The following BCKDHB variants were observed in gnomAD, a reference collection of about 807,000 sequenced individuals.
BCKDHB encodes the protein branched chain keto acid dehydrogenase E1 subunit beta, also known as 2-oxoisovalerate dehydrogenase subunit beta, mitochondrial.
BCKDHB carries 41 observed loss-of-function variants against 48.5 expected under a neutral mutation model. That is an observed-to-expected ratio of 0.85 (90% CI 0.66 to 1.10). The LOEUF (loss-of-function observed/expected upper bound fraction) is 1.10, where lower values mean the gene tolerates loss of function less well. Among genes scored for constraint, BCKDHB ranks in the 50% least tolerant of loss-of-function variants. BCKDHB has a pLI of 0.00. For missense variants in BCKDHB, 496 were observed against 494.2 expected, an observed-to-expected ratio of 1.00 and a Z score of -0.03; for synonymous variants, 201 against 174.8, an observed-to-expected ratio of 1.15 and a Z score of -1.18.
the BCKDHB span, among the ~76,000 whole-genome samples, chr6:80,420,409 G>A: frequency 2.0e-5 from 3 of 152,290 alleles, no homozygotes; most frequent in Non-Finnish European, 4.4e-5. Flanking sequence ...TTTTAGGATT[G>A]TGTGCTTTCT....
chr6:80,109,266 A>G (rs1040699142), intron 1 of BCKDHB, among the ~76,000 whole-genome samples: 4 of 152,192 alleles, frequency 2.6e-5, no homozygotes, highest in East Asian at 3.8e-4. Flanking sequence ...GCTACATAAA[A>G]CAATGTCTAT....
At chr6:80,354,724 A>G in the BCKDHB span, among the ~76,000 whole-genome samples, 2 of 152,152 alleles carry the variant, frequency 1.3e-5, no homozygotes, top group Non-Finnish European at 2.9e-5. Context: ...TCTTTTGCAT[A>G]TAGTGAATCT....
intron 5 of BCKDHB, among the ~76,000 whole-genome samples, chr6:80,170,832 T>C (rs1301636884): frequency 6.6e-6 from 1 of 152,188 alleles, no homozygotes; most frequent in East Asian, 1.9e-4. Context: ...ATGAAGACCA[T>C]ATTTTTTTTC....
At chr6:80,414,777 C>G in the BCKDHB span, among the ~76,000 whole-genome samples, 10 of 152,142 alleles carry the variant, frequency 6.6e-5, no homozygotes, top group East Asian at 1.9e-3. Context: ...ATAGCTTTTT[C>G]CTAGTTCTGT....
At chr6:80,259,453 A>G (rs933215466) in intron 8 of BCKDHB, among the ~76,000 whole-genome samples, 3 of 152,222 alleles carry the variant, frequency 2.0e-5, no homozygotes, top group Non-Finnish European at 2.9e-5. Context: ...TTTCCTGGTT[A>G]CATTTGAGGC....
chr6:80,405,904 GC>G, the BCKDHB span, among the ~76,000 whole-genome samples: 2 of 152,092 alleles, frequency 1.3e-5, no homozygotes, highest in East Asian at 3.9e-4. Flanking sequence ...GTATACATGT[GC>G]CATGTTGGCT....
chr6:80,125,014 T>C (rs1184817269), intron 1 of BCKDHB, among the ~76,000 whole-genome samples: 1 of 152,214 alleles, frequency 6.6e-6, no homozygotes, highest in Non-Finnish European at 1.5e-5. Context: ...GACTTCTCTT[T>C]AGCTATGAAA....
chr6:80,156,060 T>C (rs1772031160), intron 3 of BCKDHB, among the ~76,000 whole-genome samples: 1 of 152,050 alleles, frequency 6.6e-6, no homozygotes, highest in Non-Finnish European at 1.5e-5. Flanking sequence ...ATTTTATTTG[T>C]CCACCTTCTC....
intron 3 of BCKDHB, among the ~76,000 whole-genome samples, chr6:80,135,688 C>T (rs1368328533): frequency 6.6e-6 from 1 of 151,996 alleles, no homozygotes; most frequent in African/African-American, 2.4e-5. Context: ...ATATATATAA[C>T]ATTTACTGTT....
At chr6:80,462,297 T>G in the BCKDHB span, among the ~76,000 whole-genome samples, 368 of 152,322 alleles carry the variant, frequency 2.4e-3, 2 homozygotes, top group Middle Eastern at 3.4e-3. Context: ...GCTATATCTT[T>G]TCAACATCAT....
chr6:80,313,109 G>A (rs891365483), intron 9 of BCKDHB, among the ~76,000 whole-genome samples: 10 of 152,084 alleles, frequency 6.6e-5, no homozygotes, highest in African/African-American at 1.9e-4. Context: ...TTCAGAACTC[G>A]TTATTAGTCT....
intron 1 of BCKDHB, among the ~76,000 whole-genome samples, chr6:80,125,220 T>C (rs1232938702): frequency 6.6e-6 from 1 of 152,192 alleles, no homozygotes. Context: ...TGAACCAAGC[T>C]CTGCTATCTT....
intron 9 of BCKDHB, among the ~76,000 whole-genome samples, chr6:80,342,966 G>A (rs1170998835): frequency 1.3e-5 from 2 of 152,144 alleles, no homozygotes; most frequent in African/African-American, 2.4e-5. Flanking sequence ...GGATTATGCC[G>A]AGTTCGGTGC....
chr6:80,408,708 C>T, the BCKDHB span, among the ~76,000 whole-genome samples: 4 of 150,504 alleles, frequency 2.7e-5, no homozygotes, highest in Non-Finnish European at 3.0e-5. Context: ...TGATATTCCT[C>T]TTATCATTTT....
chr6:80,302,355 A>C (rs1767628529), intron 9 of BCKDHB, among the ~76,000 whole-genome samples: 1 of 152,216 alleles, frequency 6.6e-6, no homozygotes, highest in South Asian at 2.1e-4. Flanking sequence ...ATATACAGTA[A>C]TGTCTAATTG....
chr6:80,377,421 A>T, the BCKDHB span, among the ~76,000 whole-genome samples: 18 of 152,224 alleles, frequency 1.2e-4, 1 homozygote, highest in South Asian at 2.9e-3. Context: ...TTTTTGCCAA[A>T]GCCGAGTTCA....
At chr6:80,146,644 A>G (rs1771502893) in intron 3 of BCKDHB, among the ~76,000 whole-genome samples, 1 of 152,166 alleles carries the variant, frequency 6.6e-6, no homozygotes, top group Non-Finnish European at 1.5e-5. Context: ...TGGGGCAGCC[A>G]AGAACCAGCC....
chr6:80,142,346 T>G (rs184859220), intron 3 of BCKDHB, among the ~76,000 whole-genome samples: 2 of 152,256 alleles, frequency 1.3e-5, no homozygotes, highest in East Asian at 3.9e-4. Context: ...TTATAAATAC[T>G]GTCTATCTAT....
the BCKDHB span, among the ~76,000 whole-genome samples, chr6:80,417,704 TGTTA>T: frequency 6.6e-6 from 1 of 152,246 alleles, no homozygotes; most frequent in Admixed American, 6.5e-5. Flanking sequence ...AGAGGTCTGC[TGTTA>T]GTCTGATGAT....
Sources: allele counts gnomAD v4.1 joint callset (sites outside exome capture counted in the v4.1 genomes callset), GRCh38; gene constraint gnomAD v4.1.1; transcripts MANE v1.5; gene names NCBI Gene and HGNC (gene_info 2026-07-23, HGNC 2026-07-21).